The following NAALADL2 variants were observed in gnomAD, a reference collection of about 807,000 sequenced individuals.
The protein encoded by NAALADL2 is inactive N-acetylated-alpha-linked acidic dipeptidase-like protein 2.
A neutral mutation model predicts 87.2 loss-of-function variants in NAALADL2; 76 were observed. The ratio of observed to expected loss-of-function variants is 0.87; its 90% confidence interval spans 0.72 to 1.05. The LOEUF (loss-of-function observed/expected upper bound fraction) is 1.05. Among genes scored for constraint, NAALADL2 ranks in the 50% least tolerant of loss-of-function variants. The pLI is 0.00. For synonymous variants in NAALADL2, 354 were observed against 331.0 expected (o/e 1.07, Z -0.75); for missense variants, 1,089 against 945.8 (o/e 1.15, Z -1.99).
chr3:175,024,554 A>C (rs1751976667), intron 1 of NAALADL2, among the ~76,000 whole-genome samples: 1 of 152,130 alleles, frequency 6.6e-6, no homozygotes, highest in Admixed American at 6.6e-5. Flanking sequence ...AGGTAAGAGG[A>C]AATGAGAAAA....
intron 4 of NAALADL2, among the ~76,000 whole-genome samples, chr3:175,313,802 C>T (rs1473908377): frequency 6.6e-6 from 1 of 152,096 alleles, no homozygotes; most frequent in Non-Finnish European, 1.5e-5. Flanking sequence ...TGGTGGCTCA[C>T]ACCTGTAATC....
In NAALADL2 at chr3:175,808,971, G is replaced by A. The variant is rs1344743877; in HGVS notation, c.*5768G>A. Reference sequence around the variant, plus strand: ...TCTTCAAAGGGCCTTTATTCAATATGTTACCACTCATATGGTCATTACTTG... The same window carrying A: ...TCTTCAAAGGGCCTTTATTCAATATATTACCACTCATATGGTCATTACTTG... On this transcript the variant is annotated 3_prime_UTR_variant, in exon 14 of 14. Transcript: ENST00000454872. The A allele has an allele frequency of 6.6e-6, 1 of 151,838 alleles. No homozygotes were observed. The highest frequency in any genetic ancestry group is 1.5e-5 in the Non-Finnish European group (1 of 67,906). The allele number at this position is 151,838 out of a possible 1,614,324, so 9.4% of individuals were successfully genotyped here.
chr3:175,074,508 T>C (rs1002852138), intron 1 of NAALADL2, among the ~76,000 whole-genome samples: 1 of 152,096 alleles, frequency 6.6e-6, no homozygotes, highest in Non-Finnish European at 1.5e-5. Context: ...TTGAAATAAA[T>C]ACATTAACTT....
intron 5 of NAALADL2, among the ~76,000 whole-genome samples, chr3:175,325,966 A>G (rs561210764): frequency 1.3e-5 from 2 of 152,272 alleles, no homozygotes; most frequent in East Asian, 3.9e-4. Flanking sequence ...TTTTTACATT[A>G]CAAGGTTGCA....
intron 3 of NAALADL2, among the ~76,000 whole-genome samples, chr3:175,253,110 A>G (rs2109792814): frequency 6.6e-6 from 1 of 152,330 alleles, no homozygotes; most frequent in South Asian, 2.1e-4. Flanking sequence ...TGTAGACAAA[A>G]CAGCCTTAGG....
rs1219306240 is a variant in NAALADL2, at chr3:175,096,966, C to G, written c.220C>G (p.Leu74Val). Reference protein sequence around the residue: ...FQLDGAENQNLGHSETIDLNL... With the variant: ...FQLDGAENQNVGHSETIDLNL... ...GCTAGACGGTGCTGAGAATCAGAAC[C>G]TAGGGCATTCAGAGACTATAGACCT... The change falls in exon 2 of 14, where the codon CTA (leucine) becomes GTA (valine). Residue 74 changes from leucine to valine, a missense_variant. Coordinates refer to ENST00000454872, the MANE Select transcript of NAALADL2 (RefSeq NM_207015.3). 1.9e-6 allele frequency: 3 copies of G among 1,613,244 alleles called. No homozygotes were observed. The highest frequency in any genetic ancestry group is 4.5e-5 in the East Asian group (2 of 44,822).
At chr3:175,665,796 T>C (rs967479912) in intron 11 of NAALADL2, among the ~76,000 whole-genome samples, 1 of 152,006 alleles carries the variant, frequency 6.6e-6, no homozygotes. Context: ...CTGGACGTGG[T>C]GGTGCATGCC....
intron 2 of NAALADL2, among the ~76,000 whole-genome samples, chr3:174,652,902 A>T (rs971810854): frequency 6.6e-6 from 1 of 152,158 alleles, no homozygotes. Context: ...AAATAGGCAA[A>T]AGACTTAATA....
intron 2 of NAALADL2, among the ~76,000 whole-genome samples, chr3:175,210,747 A>C (rs1202512679): frequency 6.6e-6 from 1 of 151,774 alleles, no homozygotes; most frequent in African/African-American, 2.4e-5. Flanking sequence ...TTGAGTAATA[A>C]AGGTAAAAAA....
intron 11 of NAALADL2, among the ~76,000 whole-genome samples, chr3:175,684,727 C>T (rs547574712): frequency 9.2e-5 from 14 of 152,074 alleles, no homozygotes; most frequent in East Asian, 7.8e-4. Flanking sequence ...CACTTGAGCC[C>T]GGGAGTTTAA....
At chr3:175,252,960 G>A (rs980477329) in intron 3 of NAALADL2, among the ~76,000 whole-genome samples, 7 of 152,154 alleles carry the variant, frequency 4.6e-5, no homozygotes, top group African/African-American at 1.4e-4. Context: ...GATCCATGAG[G>A]TTTAAGAAAA....
intron 3 of NAALADL2, among the ~76,000 whole-genome samples, chr3:175,251,876 T>C (rs1419030548): frequency 1.3e-5 from 2 of 152,240 alleles, no homozygotes; most frequent in East Asian, 1.9e-4. Flanking sequence ...TCTGTAATTA[T>C]TGATTTTTAG....
intron 10 of NAALADL2, among the ~76,000 whole-genome samples, chr3:175,583,646 C>T (rs568626002): frequency 6.6e-4 from 100 of 152,110 alleles, no homozygotes; most frequent in African/African-American, 2.3e-3. Flanking sequence ...ATGTATAGGG[C>T]AAGAAAGAAA....
intron 13 of NAALADL2, 45 bp from the exon 14 acceptor site, chr3:175,802,960 T>C: frequency 8.0e-7 from 1 of 1,257,708 alleles, no homozygotes; most frequent in Non-Finnish European, 1.1e-6. Context: ...GATAGAAAAA[T>C]AGCATTGTGC....
At chr3:174,825,474 G>T (rs1721874268) in intron 3 of NAALADL2, among the ~76,000 whole-genome samples, 1 of 152,176 alleles carries the variant, frequency 6.6e-6, no homozygotes, top group African/African-American at 2.4e-5. Context: ...TGGATGGAAT[G>T]TATGATTCCT....
intron 3 of NAALADL2, among the ~76,000 whole-genome samples, chr3:174,817,650 AT>A (rs1405742609): frequency 1.3e-5 from 2 of 152,172 alleles, no homozygotes; most frequent in African/African-American, 4.8e-5. Context: ...TAAAATAAAA[AT>A]TGGGGGGAGT....
chr3:175,696,997 C>A (rs553061972), intron 11 of NAALADL2, among the ~76,000 whole-genome samples: 1 of 152,138 alleles, frequency 6.6e-6, no homozygotes, highest in East Asian at 1.9e-4. Flanking sequence ...TACTCAAAAG[C>A]CCTACCTAAG....
chr3:175,204,317 C>A lies in NAALADL2; in HGVS notation c.546-29614C>A, dbSNP rs181985376. ...TATGCAAGCCAATAAATGTGATATACCACATCAACAGAATTAAAAACAAAA... is the reference window on the plus strand; with the variant it reads ...TATGCAAGCCAATAAATGTGATATAACACATCAACAGAATTAAAAACAAAA... On this transcript the variant is annotated intron_variant, in intron 2 of 13. Coordinates refer to ENST00000454872, the MANE Select transcript of NAALADL2 (RefSeq NM_207015.3). Among the ~76,000 whole-genome samples the A allele has an allele frequency of 8.1e-4, 123 of 152,196 alleles. 2 individuals carry two copies. The highest frequency in any genetic ancestry group is 3.4e-3 in the Middle Eastern group (1 of 294).
chr3:174,447,117 G>A (rs1715116353), intron 1 of NAALADL2, among the ~76,000 whole-genome samples: 2 of 152,180 alleles, frequency 1.3e-5, no homozygotes, highest in Admixed American at 1.3e-4. Context: ...CAATGTGAGA[G>A]ATACATCCTA....
Sources: allele counts gnomAD v4.1 joint callset (sites outside exome capture counted in the v4.1 genomes callset), GRCh38; gene constraint gnomAD v4.1.1; transcripts MANE v1.5; gene names NCBI Gene and HGNC (gene_info 2026-07-23, HGNC 2026-07-21).